Variants in CRPPA observed in about 807,000 individuals in gnomAD.
CRPPA encodes CDP-L-ribitol pyrophosphorylase A.
Under a neutral mutation model 52.0 loss-of-function variants are expected in CRPPA, and 43 were observed. The ratio of observed to expected loss-of-function variants is 0.83; its 90% CI spans 0.65 to 1.07. The LOEUF is 1.07. Among genes scored for constraint, CRPPA ranks in the 50% least tolerant of loss-of-function variants. CRPPA has a pLI of 0.00. For synonymous variants in CRPPA, 250 were observed against 203.5 expected, an observed-to-expected ratio of 1.23 and a Z score of -1.94; for missense variants, 629 against 551.7, an observed-to-expected ratio of 1.14 and a Z score of -1.40.
At chr7:16,380,385 A>G (rs949240849) in intron 2 of CRPPA, among the ~76,000 whole-genome samples, 22 of 152,210 alleles carry the variant, frequency 1.4e-4, no homozygotes, top group Admixed American at 4.6e-4. Flanking sequence ...TGCTGGATTC[A>G]GTTTGCCGGT....
chr7:16,179,238 T>C (rs1299792136), intron 9 of CRPPA, among the ~76,000 whole-genome samples: 1 of 152,144 alleles, frequency 6.6e-6, no homozygotes, highest in South Asian at 2.1e-4. Flanking sequence ...ACAGGCATTC[T>C]ATCCTATAAA....
chr7:16,122,031 A>G (rs1317868832), intron 9 of CRPPA, among the ~76,000 whole-genome samples: 1 of 152,098 alleles, frequency 6.6e-6, no homozygotes, highest in Non-Finnish European at 1.5e-5. Flanking sequence ...AATACAAATA[A>G]GCAGCACATT....
intron 5 of CRPPA, among the ~76,000 whole-genome samples, chr7:16,288,711 G>A (rs1165059730): frequency 1.3e-5 from 2 of 151,662 alleles, no homozygotes; most frequent in East Asian, 1.9e-4. Flanking sequence ...GCCAGGCATG[G>A]TTATACATGC....
chr7:16,414,252 A>G (rs58989277), intron 1 of CRPPA, among the ~76,000 whole-genome samples: 10,916 of 152,050 alleles, frequency 0.072, 481 homozygotes, highest in East Asian at 0.12. Context: ...CCAAGTCTGA[A>G]TAAGCATGGC....
intron 3 of CRPPA, among the ~76,000 whole-genome samples, chr7:16,373,165 G>A (rs367900586): frequency 1.1e-4 from 17 of 152,104 alleles, no homozygotes; most frequent in South Asian, 6.2e-4. Context: ...GCATGGTGGC[G>A]GGCACCTGTA....
chr7:16,389,928 A>AAAAAAAAAAAAAAAAAATAT, intron 2 of CRPPA, among the ~76,000 whole-genome samples: 32 of 29,760 alleles, frequency 1.1e-3, no homozygotes, highest in South Asian at 1.7e-3. Context: ...AAAAAAAAAA[A>AAAAAAAAAAAAAAAAAATAT]ATATATATAT....
At chr7:16,419,191 T>A (rs547018985) in intron 1 of CRPPA, among the ~76,000 whole-genome samples, 1 of 152,346 alleles carries the variant, frequency 6.6e-6, no homozygotes, top group East Asian at 1.9e-4. Context: ...ATTACCTAAA[T>A]CAGTGATTAT....
At chr7:16,378,091 CTT>C (rs544795408) in intron 2 of CRPPA, among the ~76,000 whole-genome samples, 1 of 151,100 alleles carries the variant, frequency 6.6e-6, no homozygotes, top group African/African-American at 2.4e-5. Context: ...GTGATTTTTC[CTT>C]TTTTTTTAAT....
chr7:16,415,884 T>C (rs1305334143), intron 1 of CRPPA, among the ~76,000 whole-genome samples: 2 of 151,706 alleles, frequency 1.3e-5, no homozygotes, highest in Non-Finnish European at 3.0e-5. Context: ...CATTTCCCTA[T>C]CCCAATTTAG....
chr7:16,388,586 C>T (rs1787355940), intron 2 of CRPPA, among the ~76,000 whole-genome samples: 1 of 152,046 alleles, frequency 6.6e-6, no homozygotes, highest in Non-Finnish European at 1.5e-5. Context: ...TATAAAATAA[C>T]AGTTGAGGCT....
intron 9 of CRPPA, among the ~76,000 whole-genome samples, chr7:16,137,691 G>C (rs1343835086): frequency 6.6e-6 from 1 of 152,030 alleles, no homozygotes; most frequent in African/African-American, 2.4e-5. Flanking sequence ...CTTTCAATTA[G>C]ACTGATCCTA....
At chr7:16,335,972 G>T (rs1391708643) in intron 3 of CRPPA, among the ~76,000 whole-genome samples, 1 of 152,150 alleles carries the variant, frequency 6.6e-6, no homozygotes, top group East Asian at 1.9e-4. Context: ...TATTCAAAGT[G>T]CTGAAGAAAA....
At chr7:16,289,547 T>G (rs1243685293) in intron 5 of CRPPA, among the ~76,000 whole-genome samples, 1 of 152,278 alleles carries the variant, frequency 6.6e-6, no homozygotes, top group African/African-American at 2.4e-5. Flanking sequence ...ATAAATGTGA[T>G]ACATCACTAT....
chr7:16,339,789 T>G lies in CRPPA; in HGVS notation c.685-31162A>C, dbSNP rs189957293. ...TCACTGTCTATGCAGAAAATGTAAA[T>G]GCATCAACAAAAAGAACTGGAGTAA... On this transcript the variant is annotated intron_variant, in intron 3 of 9. Transcript: ENST00000407010. Among the ~76,000 whole-genome samples, 17 of 152,234 alleles carry G rather than the reference T, an allele frequency of 1.1e-4. No individual in the cohort carries two copies. The East Asian group carries it at 3.3e-3, about 29-fold the overall frequency.
chr7:16,256,521 C>A (rs1295243960), intron 8 of CRPPA, among the ~76,000 whole-genome samples: 2 of 152,160 alleles, frequency 1.3e-5, no homozygotes, highest in Non-Finnish European at 2.9e-5. Context: ...CCCAAATGCC[C>A]ATCAGTGATA....
At chr7:16,378,590 G>A (rs1457545363) in intron 2 of CRPPA, among the ~76,000 whole-genome samples, 1 of 151,916 alleles carries the variant, frequency 6.6e-6, no homozygotes, top group Non-Finnish European at 1.5e-5. Flanking sequence ...TGTGTCTTTA[G>A]AGCAGCATGA....
chr7:16,194,939 A>C (rs986517605), intron 9 of CRPPA, among the ~76,000 whole-genome samples: 1 of 151,670 alleles, frequency 6.6e-6, no homozygotes, highest in African/African-American at 2.4e-5. Context: ...AAGAGAGTGG[A>C]GTGGAGACTT....
At chr7:16,250,251 G>T (rs1390642481) in intron 8 of CRPPA, among the ~76,000 whole-genome samples, 1 of 152,204 alleles carries the variant, frequency 6.6e-6, no homozygotes, top group Non-Finnish European at 1.5e-5. Context: ...TGTTTGATTG[G>T]TGTACCTGAA....
chr7:16,167,202 A>G (rs573232192), intron 9 of CRPPA, among the ~76,000 whole-genome samples: 82 of 152,296 alleles, frequency 5.4e-4, no homozygotes, highest in African/African-American at 1.8e-3. Flanking sequence ...CTGGGATTAC[A>G]GGCGTGAGCC....
Sources: gnomAD v4.1 joint callset for allele counts (sites outside exome capture counted in the v4.1 genomes callset) on GRCh38, gnomAD v4.1.1 for gene constraint, MANE v1.5 for transcripts, NCBI Gene and HGNC (gene_info 2026-07-23, HGNC 2026-07-21) for gene names.